The following ITGA8 variants were observed in gnomAD, a reference collection of about 807,000 sequenced individuals.
The protein encoded by ITGA8 is integrin alpha-8.
Under a neutral mutation model 142.3 loss-of-function variants are expected in ITGA8, and 91 were observed. The ratio of observed to expected loss-of-function variants is 0.64; its 90% CI spans 0.54 to 0.76. The LOEUF is 0.76. ITGA8 is among the 30% of genes least tolerant of loss of function. The pLI is 0.00. For synonymous variants in ITGA8, 505 were observed against 485.2 expected (o/e 1.04, Z -0.54); for missense variants, 1,406 against 1,327.7 (o/e 1.06, Z -0.92).
intron 13 of ITGA8, among the ~76,000 whole-genome samples, chr10:15,639,324 T>C (rs773981499): frequency 3.3e-5 from 5 of 152,126 alleles, no homozygotes. Flanking sequence ...ATCTGACTCC[T>C]GTAGACCTGG....
At position 15,668,097 on chromosome 10, in the gene ITGA8, C is replaced by G. The variant is rs149320127; in HGVS notation, c.847+3506G>C. Among the ~76,000 whole-genome samples, 383 of 152,312 alleles carry G rather than the reference C, an allele frequency of 2.5e-3. 6 individuals are homozygous for G. Among genetic ancestry groups the G allele is most frequent in the African/African-American group, 9.0e-3 (372 of 41,564 alleles). On this transcript the variant is annotated intron_variant, in intron 8 of 29. Coordinates refer to ENST00000378076, the MANE Select transcript of ITGA8 (RefSeq NM_003638.3). ...CTTGTTAACTTTCTGTCTATTTGAT[C>G]TGTCTAATGTTGACAGGGGGGTGTT...
At chr10:15,589,907 C>T (rs1047748852) in intron 22 of ITGA8, among the ~76,000 whole-genome samples, 19 of 151,972 alleles carry the variant, frequency 1.3e-4, no homozygotes, top group South Asian at 1.0e-3. Flanking sequence ...GGACTACAGG[C>T]GTGCACCACC....
intron 25 of ITGA8, among the ~76,000 whole-genome samples, chr10:15,569,224 C>T (rs1834133364): frequency 6.6e-6 from 1 of 152,128 alleles, no homozygotes; most frequent in African/African-American, 2.4e-5. Context: ...AGGAAATGGC[C>T]AATCCCTCAG....
In ITGA8 at chr10:15,690,382, C is replaced by T. The variant is rs12257212; in HGVS notation, c.344-2344G>A. ...CTTCCTCTGCAGAGCCATGCCAGCG[C>T]TGCACCCTCACACCCAGGATCACTG... is the stretch of plus-strand genomic sequence containing the variant. On this transcript the variant is annotated intron_variant, in intron 2 of 29. Coordinates refer to ENST00000378076, the MANE Select transcript of ITGA8 (RefSeq NM_003638.3). 2.9e-3 allele frequency among the ~76,000 whole-genome samples: 435 copies of T among 152,340 alleles called. 2 individuals carry two copies. Among genetic ancestry groups the T allele is most frequent in the African/African-American group, 9.8e-3 (409 of 41,582 alleles).
chr10:15,547,683 C>T (rs542904873), intron 27 of ITGA8, among the ~76,000 whole-genome samples: 9 of 152,318 alleles, frequency 5.9e-5, no homozygotes, highest in African/African-American at 9.6e-5. Context: ...ATCATACTCA[C>T]GTACCTGGAA....
At chr10:15,568,672 G>A (rs997594346) in intron 25 of ITGA8, among the ~76,000 whole-genome samples, 7 of 152,158 alleles carry the variant, frequency 4.6e-5, no homozygotes, top group Non-Finnish European at 8.8e-5. Flanking sequence ...TAGAAATGAT[G>A]TTTTAAATGG....
intron 25 of ITGA8, among the ~76,000 whole-genome samples, chr10:15,566,322 C>T (rs1478520737): frequency 6.6e-6 from 1 of 152,154 alleles, no homozygotes; most frequent in African/African-American, 2.4e-5. Context: ...CCTTCTTAGT[C>T]TATAGAGTCT....
intron 25 of ITGA8, among the ~76,000 whole-genome samples, chr10:15,561,671 G>A (rs1163824453): frequency 6.6e-6 from 1 of 152,178 alleles, no homozygotes; most frequent in Non-Finnish European, 1.5e-5. Flanking sequence ...GATACTTGAT[G>A]TACCAAAGTT....
intron 20 of ITGA8, among the ~76,000 whole-genome samples, chr10:15,599,153 A>G (rs539534862): frequency 6.6e-5 from 10 of 152,190 alleles, no homozygotes; most frequent in African/African-American, 2.4e-4. Flanking sequence ...TTTTCTGGAA[A>G]TAGTTCTTTG....
At chr10:15,587,111 C>T (rs761285201) in intron 22 of ITGA8, among the ~76,000 whole-genome samples, 2 of 152,006 alleles carry the variant, frequency 1.3e-5, no homozygotes, top group Non-Finnish European at 2.9e-5. Flanking sequence ...TTAGTAAAGA[C>T]GGGGTTTCAC....
At chr10:15,674,851 A>C (rs1458034265) in intron 6 of ITGA8, among the ~76,000 whole-genome samples, 1 of 152,126 alleles carries the variant, frequency 6.6e-6, no homozygotes, top group Non-Finnish European at 1.5e-5. Context: ...GAGGCAGGAG[A>C]ATCACTTAAA....
At chr10:15,538,486 T>C (rs1313555931) in intron 27 of ITGA8, among the ~76,000 whole-genome samples, 1 of 129,324 alleles carries the variant, frequency 7.7e-6, no homozygotes, top group African/African-American at 3.0e-5. Context: ...TACTCCAGCC[T>C]GGGCGGCTGA....
intron 29 of ITGA8, among the ~76,000 whole-genome samples, chr10:15,518,510 T>C (rs1219983609): frequency 6.6e-6 from 1 of 152,268 alleles, no homozygotes; most frequent in Non-Finnish European, 1.5e-5. Flanking sequence ...CTATTAGTCA[T>C]GCTGCATATT....
Position 15,678,724 on chromosome 10 carries a change from T to C in ITGA8, c.628A>G (p.Lys210Glu), listed in dbSNP as rs1288424927. 1 of 1,607,886 alleles carries C rather than the reference T, an allele frequency of 6.2e-7. No individual in the cohort carries two copies. Among genetic ancestry groups the C allele is most frequent in the Admixed American group, 1.7e-5 (1 of 59,892 alleles). Residue 210 changes from lysine (K) to glutamate (E), a missense_variant and splice_region_variant, in exon 5 of 30, where the codon AAG becomes GAG. Lys to Glu is a moderately conservative substitution (Grantham distance 56, BLOSUM62 1). Coordinates refer to ENST00000378076, the MANE Select transcript of ITGA8 (RefSeq NM_003638.3). The stretch of plus-strand genomic sequence containing the variant: ...ACTGCGAGACCAAAATAATTCACCT[T>C]ATAAAAATCCAGACTAAATCCTGCT... ...CQAGFSLDFY[K>E]NGDLIVGGPG...
intron 22 of ITGA8, among the ~76,000 whole-genome samples, chr10:15,589,809 C>T (rs189677215): frequency 1.4e-5 from 2 of 145,852 alleles, no homozygotes; most frequent in Non-Finnish European, 3.0e-5. Context: ...ATCACCCTGA[C>T]TGGAGTGCAG....
rs148943818 is a variant in ITGA8 at position 15,548,494 on chromosome 10, C to T, written c.2841G>A (p.Leu947=). The change falls in exon 27 of 30, where the codon CTG becomes CTA. Residue 947 remains leucine (L), a synonymous_variant. Transcript: ENST00000378076. ...GGGCCCATAATCGTGACCTGACTTT[C>T]AGGACTGCGCTTTCTCCTCCTTCGA... ...GRLEGGESAV[L]KVRSRLWAHT... 1.2e-6 allele frequency: 2 copies of T among 1,603,606 alleles called. No homozygotes were observed. The highest frequency in any genetic ancestry group is 2.7e-5 in the African/African-American group (2 of 74,010).
At position 15,646,897 on chromosome 10, in the gene ITGA8, A is replaced by G. The variant is rs147384918; in HGVS notation, c.1156T>C (p.Phe386Leu). 2.1e-5 allele frequency: 34 copies of G among 1,613,702 alleles called. No individual in the cohort carries two copies. The African/African-American group carries it at 4.1e-4, about 20-fold the overall frequency. ...ILTGTETFGR[F>L]GSAMAHLGDL... ...CCTAAGTGTGCCATAGCACTACCGA[A>G]TCTCCCAAACGTCTCGGTGCCAGTG... Residue 386 changes from phenylalanine to leucine, a missense_variant, in exon 12 of 30, where the codon TTC (phenylalanine) becomes CTC (leucine). By Grantham distance (22) the Phe-to-Leu change is conservative. Transcript: ENST00000378076.
chr10:15,545,096 C>T (rs570569854), intron 27 of ITGA8, among the ~76,000 whole-genome samples: 26 of 152,250 alleles, frequency 1.7e-4, no homozygotes, highest in South Asian at 8.3e-4. Context: ...TGAATGTCTA[C>T]GGTTTTAAGC....
chr10:15,533,391 G>A (rs967439101), intron 27 of ITGA8, among the ~76,000 whole-genome samples: 1 of 152,094 alleles, frequency 6.6e-6, no homozygotes, highest in Non-Finnish European at 1.5e-5. Flanking sequence ...ACTAAAAGTC[G>A]GAGTTTTGTT....
Sources: allele counts gnomAD v4.1 joint callset (sites outside exome capture counted in the v4.1 genomes callset), GRCh38; gene constraint gnomAD v4.1.1; transcripts MANE v1.5; gene names NCBI Gene and HGNC (gene_info 2026-07-23, HGNC 2026-07-21).